The following F2R variants were observed in gnomAD, a reference collection of about 807,000 sequenced individuals.
F2R encodes the protein proteinase-activated receptor 1.
Under a neutral mutation model 18.3 loss-of-function variants are expected in F2R, and 12 were observed. The ratio of observed to expected loss-of-function variants is 0.66; its 90% CI spans 0.42 to 1.06. The LOEUF (loss-of-function observed/expected upper bound fraction) is 1.06, where lower values mean the gene tolerates loss of function less well. F2R is among the 50% of genes least tolerant of loss of function. The pLI is 0.00. For synonymous variants in F2R, 210 were observed against 219.9 expected (o/e 0.95, Z 0.40); for missense variants, 438 against 530.8 (o/e 0.83, Z 1.72).
At chr5:76,718,808 G>C (rs937755675) in intron 1 of F2R, among the ~76,000 whole-genome samples, 5 of 152,128 alleles carry the variant, frequency 3.3e-5, no homozygotes, top group African/African-American at 1.2e-4. Flanking sequence ...AATTTTATGG[G>C]GCTCTAGAGG....
chr5:76,732,405 G>T lies in F2R; in HGVS notation c.180G>T (p.Glu60Asp). The part of the protein sequence containing the change: ...DKYEPFWEDE[E>D]KNESGLTEYR... ...ATGAACCATTTTGGGAGGATGAGGA[G>T]AAAAATGAAAGTGGGTTAACTGAAT... The change falls in exon 2 of 2, where the codon GAG becomes GAT. Residue 60 changes from glutamate (E) to aspartate (D), a missense_variant. Transcript: ENST00000319211. 6.2e-7 allele frequency: 1 copy of T among 1,614,180 alleles called. No homozygotes were observed. The highest frequency in any genetic ancestry group is 2.2e-5 in the East Asian group (1 of 44,886).
At chr5:76,720,187 C>T (rs1748420950) in intron 1 of F2R, among the ~76,000 whole-genome samples, 1 of 152,096 alleles carries the variant, frequency 6.6e-6, no homozygotes, top group Admixed American at 6.6e-5. Flanking sequence ...CAGTGGCTCA[C>T]ACCTGTAATC....
chr5:76,730,664 A>G (rs549197190), intron 1 of F2R, among the ~76,000 whole-genome samples: 1 of 152,256 alleles, frequency 6.6e-6, no homozygotes, highest in South Asian at 2.1e-4. Context: ...CTCAATTCTG[A>G]CACTATCTAT....
intron 1 of F2R, among the ~76,000 whole-genome samples, chr5:76,726,217 C>G (rs565769584): frequency 6.6e-6 from 1 of 151,940 alleles, no homozygotes; most frequent in Middle Eastern, 3.4e-3. Context: ...GGTGAAACCC[C>G]ATCTCTACTA....
chr5:76,726,965 G>A (rs1020407097), intron 1 of F2R, among the ~76,000 whole-genome samples: 4 of 152,136 alleles, frequency 2.6e-5, no homozygotes, highest in African/African-American at 9.7e-5. Context: ...CATTGCAAAG[G>A]TAAGAGAGTG....
chr5:76,733,223 T>C lies in F2R; in HGVS notation c.998T>C (p.Leu333Pro). The stretch of plus-strand genomic sequence containing the variant: ...TGCTTCGGACCCACAAACGTCCTCC[T>C]GATTGCGCATTACTCATTCCTTTCT... ...IICFGPTNVL[L>P]IAHYSFLSHT... Residue 333 changes from leucine to proline, a missense_variant, in exon 2 of 2, where the codon CTG becomes CCG. Leu to Pro is a moderately conservative substitution (Grantham distance 98, BLOSUM62 -3). Coordinates refer to ENST00000319211, the MANE Select transcript of F2R (RefSeq NM_001992.5). The C allele has an allele frequency of 6.2e-7, 1 of 1,614,224 alleles. No homozygotes were observed. The highest frequency in any genetic ancestry group is 8.5e-7 in the Non-Finnish European group (1 of 1,180,050).
Position 76,732,534 on chromosome 5 carries a change from C to T in F2R, c.309C>T (p.Leu103=), listed in dbSNP as rs1388222614. Residue 103 remains leucine, a synonymous_variant, in exon 2 of 2, where the codon CTC becomes CTT. Coordinates refer to ENST00000319211, the MANE Select transcript of F2R (RefSeq NM_001992.5). ...SGYLTSSWLT[L]FVPSVYTGVF... is the part of the protein sequence containing the mutation. Reference sequence around the variant, plus strand: ...ATTTGACCAGCTCCTGGCTGACACTCTTTGTCCCATCTGTGTACACCGGAG... The same window carrying T: ...ATTTGACCAGCTCCTGGCTGACACTTTTTGTCCCATCTGTGTACACCGGAG... 3 of 1,614,214 alleles carry T rather than the reference C, an allele frequency of 1.9e-6. No homozygotes were observed. In the East Asian group the frequency reaches 6.7e-5, roughly 36 times the overall value.
intron 1 of F2R, among the ~76,000 whole-genome samples, chr5:76,727,886 CTTT>C (rs535105741): frequency 3.1e-5 from 4 of 127,810 alleles, no homozygotes; most frequent in Admixed American, 8.0e-5. Flanking sequence ...GACTGGGTCA[CTTT>C]TTTTTTTTTT....
Position 76,716,298 on chromosome 5 carries a change from G to A in F2R, c.-10G>A. On this transcript the variant is annotated 5_prime_UTR_variant, in exon 1 of 2. Coordinates refer to ENST00000319211, the MANE Select transcript of F2R (RefSeq NM_001992.5). ...GCCTCCCGGAGCAGCGCCGCGCAGA[G>A]CCCGGGACAATGGGGCCGCGGCGGC... The A allele has an allele frequency of 7.2e-7, 1 of 1,390,890 alleles. No homozygotes were observed. Among genetic ancestry groups the A allele is most frequent in the Non-Finnish European group, 9.3e-7 (1 of 1,076,548 alleles). The allele number at this position is 1,390,890 out of a possible 1,614,324, so 86.2% of individuals were successfully genotyped here.
At chr5:76,728,460 G>T (rs1427644574) in intron 1 of F2R, among the ~76,000 whole-genome samples, 1 of 152,072 alleles carries the variant, frequency 6.6e-6, no homozygotes, top group Non-Finnish European at 1.5e-5. Flanking sequence ...GTCTTTCGGT[G>T]CCTGCCATAT....
intron 1 of F2R, among the ~76,000 whole-genome samples, chr5:76,721,495 G>GC (rs1748455410): frequency 6.6e-6 from 1 of 152,184 alleles, no homozygotes; most frequent in Non-Finnish European, 1.5e-5. Context: ...AAAGTAAGTG[G>GC]CCTTTTGAAA....
chr5:76,735,025 C>G lies in F2R; in HGVS notation c.*1522C>G, dbSNP rs1238414123. ...TCCATTTACTTAAGACTTAATGAGA[C>G]TTTAAAAGCATTTTTTAACCTCCTA... On this transcript the variant is annotated 3_prime_UTR_variant, in exon 2 of 2. Coordinates refer to ENST00000319211, the MANE Select transcript of F2R (RefSeq NM_001992.5). The G allele has an allele frequency of 6.6e-6, 1 of 152,266 alleles. No homozygotes were observed. Among genetic ancestry groups the G allele is most frequent in the Admixed American group, 6.5e-5 (1 of 15,272 alleles). The allele number at this position is 152,266 out of a possible 1,614,324, so 9.4% of individuals were successfully genotyped here.
intron 1 of F2R, among the ~76,000 whole-genome samples, chr5:76,722,223 T>C (rs1748474112): frequency 6.6e-6 from 1 of 152,184 alleles, no homozygotes; most frequent in African/African-American, 2.4e-5. Context: ...GGGGAGGAAT[T>C]GGTGATCATT....
At chr5:76,716,829 T>A in intron 1 of F2R, 1 of 523,970 alleles carries the variant, frequency 1.9e-6, no homozygotes. Flanking sequence ...TTGTTGGAAG[T>A]TTTTTTCTTG....
rs756689476 is a variant in F2R, at chr5:76,732,869, C to G, written c.644C>G (p.Thr215Ser). Residue 215 changes from threonine to serine, a missense_variant, in exon 2 of 2, where the codon ACT (threonine) becomes AGT (serine). Physicochemically the swap from Thr to Ser is moderately conservative, Grantham distance 58 (BLOSUM62 1). Coordinates refer to ENST00000319211, the MANE Select transcript of F2R (RefSeq NM_001992.5). ...CCCATGCAGTCCCTCTCCTGGCGTA[C>G]TCTGGGAAGGGCTTCCTTCACTTGT... ...VYPMQSLSWRTLGRASFTCLA... is the reference protein window; with the variant it reads ...VYPMQSLSWRSLGRASFTCLA... 18 of 1,614,072 alleles carry G rather than the reference C, an allele frequency of 1.1e-5. No individual in the cohort carries two copies. In the African/African-American group the frequency reaches 2.1e-4, roughly 19 times the overall value.
chr5:76,725,883 A>C (rs1256350266), intron 1 of F2R, among the ~76,000 whole-genome samples: 9 of 152,230 alleles, frequency 5.9e-5, no homozygotes, highest in Admixed American at 5.9e-4. Flanking sequence ...AATACAGAGT[A>C]AAGTCTAGTG....
Position 76,732,505 on chromosome 5 carries a change from G to A in F2R, c.280G>A (p.Gly94Arg), listed in dbSNP as rs979382610. 2.5e-6 allele frequency: 4 copies of A among 1,613,976 alleles called. No homozygotes were observed. Among genetic ancestry groups the A allele is most frequent in the South Asian group, 1.1e-5 (1 of 91,088 alleles). Residue 94 changes from glycine (G) to arginine (R), a missense_variant, in exon 2 of 2, where the codon GGA becomes AGA. Gly to Arg is a moderately radical substitution (Grantham distance 125). Coordinates refer to ENST00000319211, the MANE Select transcript of F2R (RefSeq NM_001992.5). ...TGCATTCATCTCAGAAGATGCCTCC[G>A]GATATTTGACCAGCTCCTGGCTGAC... The part of the protein sequence containing the change: ...LPAFISEDAS[G>R]YLTSSWLTLF...
chr5:76,719,555 C>T (rs1748407408), intron 1 of F2R, among the ~76,000 whole-genome samples: 1 of 151,452 alleles, frequency 6.6e-6, no homozygotes, highest in African/African-American at 2.4e-5. Flanking sequence ...TGCCACTGCA[C>T]TCCAGTCTGA....
chr5:76,716,632 C>T (rs1748348746), intron 1 of F2R: 1 of 737,738 alleles, frequency 1.4e-6, no homozygotes, highest in African/African-American at 1.7e-5. Flanking sequence ...CCGCCTGCCA[C>T]GGGGTGTTGG....
Sources: allele counts gnomAD v4.1 joint callset (sites outside exome capture counted in the v4.1 genomes callset), GRCh38; gene constraint gnomAD v4.1.1; transcripts MANE v1.5; gene names NCBI Gene and HGNC (gene_info 2026-07-23, HGNC 2026-07-21).